The following OSMR variants were observed in gnomAD, a reference collection of about 807,000 sequenced individuals.
The protein encoded by OSMR is oncostatin-M-specific receptor subunit beta.
A neutral mutation model predicts 99.9 loss-of-function variants in OSMR; 81 were observed. The observed-to-expected ratio is 0.81, with a 90% confidence interval of 0.68 to 0.97. The LOEUF (loss-of-function observed/expected upper bound fraction) is 0.97. Ranked by LOEUF, OSMR falls within the 50% of genes least tolerant of loss-of-function variation. The pLI is 0.00. For missense variants in OSMR, 1,099 were observed against 1,153.4 expected, an observed-to-expected ratio of 0.95 and a Z score of 0.68; for synonymous variants, 406 against 410.4, an observed-to-expected ratio of 0.99 and a Z score of 0.13.
chr5:38,913,622 T>G (rs1376887068), intron 9 of OSMR, among the ~76,000 whole-genome samples: 1 of 151,150 alleles, frequency 6.6e-6, no homozygotes, highest in African/African-American at 2.4e-5. Context: ...CAAAAAACAT[T>G]AAAAAATGCT....
rs955433311 is a variant in OSMR at position 38,933,549 on chromosome 5, C to A, written c.*105C>A. 2.3e-6 allele frequency: 3 copies of A among 1,297,098 alleles called. No homozygotes were observed. Among genetic ancestry groups the A allele is most frequent in the Admixed American group, 3.6e-5 (2 of 56,304 alleles). The allele number at this position is 1,297,098 out of a possible 1,614,324, so 80.3% of individuals were successfully genotyped here. ...TGGTCCTTAATCCCAGTACGATTTG[C>A]AGGTCTGGTTTATATAAGACCACTA... On this transcript the variant is annotated 3_prime_UTR_variant, in exon 18 of 18. Coordinates refer to ENST00000274276, the MANE Select transcript of OSMR (RefSeq NM_003999.3).
chr5:38,890,201 G>C (rs1458297418), intron 7 of OSMR, among the ~76,000 whole-genome samples: 1 of 152,152 alleles, frequency 6.6e-6, no homozygotes, highest in African/African-American at 2.4e-5. Flanking sequence ...GTGGTCTATG[G>C]ACCAGAAGCA....
chr5:38,936,463 G>C (rs1435524285), downstream of OSMR, among the ~76,000 whole-genome samples: 1 of 152,172 alleles, frequency 6.6e-6, no homozygotes, highest in Non-Finnish European at 1.5e-5. Context: ...GTCCTCACCT[G>C]TGTGTGGGGG....
At chr5:38,850,356 A>G (rs1296581629) in intron 1 of OSMR, among the ~76,000 whole-genome samples, 5 of 152,234 alleles carry the variant, frequency 3.3e-5, no homozygotes, top group Non-Finnish European at 7.3e-5. Context: ...TTAAAATTAC[A>G]TGCTAAAGAA....
At chr5:38,892,739 A>C (rs566647842) in intron 7 of OSMR, among the ~76,000 whole-genome samples, 7 of 152,254 alleles carry the variant, frequency 4.6e-5, no homozygotes, top group African/African-American at 1.7e-4. Flanking sequence ...TTTCAACCAC[A>C]TTGTGGACTG....
intron 3 of OSMR, among the ~76,000 whole-genome samples, chr5:38,880,973 G>A (rs1055724480): frequency 4.6e-5 from 7 of 152,186 alleles, no homozygotes; most frequent in African/African-American, 1.7e-4. Flanking sequence ...CAGGGCCTAA[G>A]AGTCTGACAG....
chr5:38,914,274 T>C (rs1416914216), intron 9 of OSMR, among the ~76,000 whole-genome samples: 1 of 152,210 alleles, frequency 6.6e-6, no homozygotes, highest in Non-Finnish European at 1.5e-5. Flanking sequence ...CTATGTCTGC[T>C]CACAGGGTAT....
chr5:38,907,056 A>G (rs1341980252), intron 9 of OSMR, among the ~76,000 whole-genome samples: 1 of 152,228 alleles, frequency 6.6e-6, no homozygotes, highest in East Asian at 1.9e-4. Flanking sequence ...AGCCAGAGGA[A>G]TCAGGCAAGA....
At chr5:38,923,801 T>A (rs1746345936) in intron 13 of OSMR, among the ~76,000 whole-genome samples, 1 of 152,176 alleles carries the variant, frequency 6.6e-6, no homozygotes, top group African/African-American at 2.4e-5. Context: ...CAGGAGTGGA[T>A]CCACAGTTTA....
At chr5:38,885,818 C>T (rs61166819) in intron 6 of OSMR, 77,776 of 936,190 alleles carry the variant, frequency 0.083, 4,519 homozygotes, top group African/African-American at 0.27. Flanking sequence ...TTGCCACCCA[C>T]GGGGAGTCAG....
intron 9 of OSMR, among the ~76,000 whole-genome samples, chr5:38,908,396 A>G (rs1745377869): frequency 6.6e-6 from 1 of 151,988 alleles, no homozygotes; most frequent in Non-Finnish European, 1.5e-5. Flanking sequence ...GAGGTACCCC[A>G]CCCCAGCTGA....
intron 15 of OSMR, among the ~76,000 whole-genome samples, chr5:38,929,914 A>G (rs989961117): frequency 6.6e-6 from 1 of 152,210 alleles, no homozygotes; most frequent in Non-Finnish European, 1.5e-5. Flanking sequence ...TAGCTACTCT[A>G]TATTTACCTT....
chr5:38,919,502 C>A, intron 11 of OSMR: 1 of 427,626 alleles, frequency 2.3e-6, no homozygotes, highest in Non-Finnish European at 4.0e-6. Flanking sequence ...GAACTGGCAT[C>A]AACTTTCACC....
intron 9 of OSMR, among the ~76,000 whole-genome samples, chr5:38,907,920 G>A (rs1003435065): frequency 1.9e-4 from 29 of 152,108 alleles, no homozygotes; most frequent in African/African-American, 7.0e-4. Context: ...TAAGCACAAC[G>A]TGTGGCCCTG....
intron 7 of OSMR, among the ~76,000 whole-genome samples, chr5:38,887,691 C>G (rs1032822990): frequency 2.0e-5 from 3 of 152,098 alleles, no homozygotes. Context: ...TTATGTAAAA[C>G]TGATAATTAA....
intron 13 of OSMR, among the ~76,000 whole-genome samples, chr5:38,923,839 T>C (rs1301739350): frequency 1.3e-5 from 2 of 152,184 alleles, no homozygotes; most frequent in Admixed American, 1.3e-4. Flanking sequence ...GCAGGAGGTG[T>C]GTGACCTTGT....
intron 9 of OSMR, among the ~76,000 whole-genome samples, chr5:38,916,372 G>A (rs1025033189): frequency 6.6e-6 from 1 of 152,102 alleles, no homozygotes; most frequent in African/African-American, 2.4e-5. Flanking sequence ...ACTACCTTGA[G>A]TTCAAATCTT....
Position 38,932,863 on chromosome 5 carries a change from C to G in OSMR, c.2368-9C>G. On this transcript the variant is annotated splice_polypyrimidine_tract_variant and intron_variant, in intron 17 of 17. Coordinates refer to ENST00000274276, the MANE Select transcript of OSMR (RefSeq NM_003999.3). Reference sequence around the variant, plus strand: ...TGTCTATATTTACATATTTTTGTTTCCTTTCTAGGAGAACCCTCACCTAAT... The same window carrying G: ...TGTCTATATTTACATATTTTTGTTTGCTTTCTAGGAGAACCCTCACCTAAT... 1 of 1,613,618 alleles carries G rather than the reference C, an allele frequency of 6.2e-7. No homozygotes were observed.
chr5:38,852,999 G>T (rs1027310502), intron 1 of OSMR, among the ~76,000 whole-genome samples: 2 of 152,028 alleles, frequency 1.3e-5, no homozygotes, highest in African/African-American at 4.8e-5. Flanking sequence ...CCAAAGTGCT[G>T]GGATTACAGG....
Sources: allele counts gnomAD v4.1 joint callset (sites outside exome capture counted in the v4.1 genomes callset), GRCh38; gene constraint gnomAD v4.1.1; transcripts MANE v1.5; gene names NCBI Gene and HGNC (gene_info 2026-07-23, HGNC 2026-07-21).